GRM1: variants seen among roughly 807,000 people sequenced by gnomAD.
The protein encoded by GRM1 is metabotropic glutamate receptor 1.
In GRM1, 33 loss-of-function variants were observed where a neutral mutation model predicts 90.9. The observed-to-expected ratio is 0.36, with a 90% CI of 0.28 to 0.49. The LOEUF is 0.49. Among genes scored for constraint, GRM1 ranks in the 20% least tolerant of loss-of-function variants. GRM1 has a pLI of 0.99. For synonymous variants in GRM1, 700 were observed against 613.2 expected (o/e 1.14, Z -2.09); for missense variants, 1,190 against 1,534.3 (o/e 0.78, Z 3.75).
At position 146,426,681 on chromosome 6, in the gene GRM1, C is replaced by G. The variant is rs1351176072; in HGVS notation, c.2661-7191C>G. 7 of 969,032 alleles carry G rather than the reference C, an allele frequency of 7.2e-6. No individual in the cohort carries two copies. In the Admixed American group the frequency reaches 1.3e-4, roughly 18 times the overall value. The allele number at this position is 969,032 out of a possible 1,614,324, so 60.0% of individuals were successfully genotyped here. On this transcript the variant is annotated intron_variant, in intron 7 of 7. Transcript: ENST00000282753. ...GCATGGAAAATCTAGTGTTTTGCCC[C>G]TTGCTTTCTCTCTCCTGGGTTTTTC...
chr6:146,367,738 G>A (rs9390384), intron 5 of GRM1, among the ~76,000 whole-genome samples: 29,756 of 152,090 alleles, frequency 0.2, 3,829 homozygotes, highest in African/African-American at 0.37. Context: ...TTGCTGCAAA[G>A]GACATGATTT....
In GRM1 at chr6:146,385,940, C is replaced by T. The variant is rs559944940; in HGVS notation, c.1603-950C>T. On this transcript the variant is annotated intron_variant, in intron 5 of 7. Transcript: ENST00000282753. ...AACCACTGGAACATAGCAAAGAGGC[C>T]TAACTAGTAAGCCACTATGCAGATA... Among the ~76,000 whole-genome samples, 4 of 151,734 alleles carry T rather than the reference C, an allele frequency of 2.6e-5. No homozygotes were observed. The East Asian group carries it at 7.8e-4, about 29-fold the overall frequency.
intron 3 of GRM1, among the ~76,000 whole-genome samples, chr6:146,306,098 G>T (rs1783569472): frequency 6.6e-6 from 1 of 152,148 alleles, no homozygotes; most frequent in South Asian, 2.1e-4. Context: ...GAAATTGCCT[G>T]GTATGGATCT....
intron 2 of GRM1, among the ~76,000 whole-genome samples, chr6:146,280,525 C>G (rs906590087): frequency 2.0e-5 from 3 of 152,074 alleles, no homozygotes; most frequent in African/African-American, 4.8e-5. Flanking sequence ...ACGCTATGGG[C>G]CCAGAATTGT....
At chr6:146,160,550 T>G (rs1377428785) in intron 2 of GRM1, among the ~76,000 whole-genome samples, 1 of 152,200 alleles carries the variant, frequency 6.6e-6, no homozygotes, top group Non-Finnish European at 1.5e-5. Flanking sequence ...CTTTGTCTCT[T>G]CCCATCTCTT....
At chr6:146,213,495 G>T (rs1779749780) in intron 2 of GRM1, among the ~76,000 whole-genome samples, 1 of 152,042 alleles carries the variant, frequency 6.6e-6, no homozygotes. Context: ...AGAAGGTAAT[G>T]GATGTTTCAA....
At chr6:146,123,689 C>A (rs1319349474) in intron 1 of GRM1, among the ~76,000 whole-genome samples, 5 of 152,188 alleles carry the variant, frequency 3.3e-5, no homozygotes, top group African/African-American at 1.2e-4. Flanking sequence ...GGAACACTCA[C>A]TTTGTTAGTA....
chr6:146,103,234 T>G (rs1200089823), intron 1 of GRM1, among the ~76,000 whole-genome samples: 1 of 152,182 alleles, frequency 6.6e-6, no homozygotes, highest in African/African-American at 2.4e-5. Context: ...ATATATAACT[T>G]AGGAGATTGG....
intron 1 of GRM1, among the ~76,000 whole-genome samples, chr6:146,109,411 G>A (rs1775462301): frequency 6.6e-6 from 1 of 152,188 alleles, no homozygotes; most frequent in Non-Finnish European, 1.5e-5. Context: ...CTTCCACCTG[G>A]TGTTTTGTTG....
chr6:146,250,450 A>G (rs1781230617), intron 2 of GRM1, among the ~76,000 whole-genome samples: 1 of 152,136 alleles, frequency 6.6e-6, no homozygotes, highest in African/African-American at 2.4e-5. Context: ...TGTTTGATAA[A>G]TGTCTGGTGC....
chr6:146,313,291 C>T (rs1384719985), intron 3 of GRM1, among the ~76,000 whole-genome samples: 1 of 152,098 alleles, frequency 6.6e-6, no homozygotes, highest in Non-Finnish European at 1.5e-5. Context: ...TTAATAAGTT[C>T]TTTAATTAGA....
intron 1 of GRM1, among the ~76,000 whole-genome samples, chr6:146,077,726 A>T (rs962820940): frequency 6.6e-6 from 1 of 152,212 alleles, no homozygotes; most frequent in African/African-American, 2.4e-5. Context: ...ATCTTTAAAG[A>T]TTATTTCTAA....
chr6:146,280,267 C>A (rs1177683012), intron 2 of GRM1, among the ~76,000 whole-genome samples: 2 of 152,028 alleles, frequency 1.3e-5, no homozygotes, highest in Non-Finnish European at 2.9e-5. Flanking sequence ...TTGTGCAGCT[C>A]CCCTATCCCA....
intron 2 of GRM1, among the ~76,000 whole-genome samples, chr6:146,170,653 A>G (rs1053360953): frequency 2.6e-5 from 4 of 152,040 alleles, no homozygotes; most frequent in African/African-American, 9.7e-5. Context: ...GATAGTCTGT[A>G]TTTAATTAGA....
At chr6:146,272,347 A>C (rs573332574) in intron 2 of GRM1, among the ~76,000 whole-genome samples, 9 of 152,232 alleles carry the variant, frequency 5.9e-5, no homozygotes, top group Admixed American at 2.0e-4. Context: ...TATCGGTTGC[A>C]TTTTATATTT....
intron 2 of GRM1, among the ~76,000 whole-genome samples, chr6:146,194,816 G>A (rs961564869): frequency 6.6e-6 from 1 of 152,226 alleles, no homozygotes; most frequent in Admixed American, 6.5e-5. Flanking sequence ...TTGGAGGGTG[G>A]GCATGTTAGC....
intron 2 of GRM1, among the ~76,000 whole-genome samples, chr6:146,235,161 C>G (rs753462798): frequency 1.3e-5 from 2 of 152,032 alleles, no homozygotes; most frequent in Non-Finnish European, 2.9e-5. Context: ...CTTTAATTTT[C>G]CATTGTATTT....
intron 5 of GRM1, among the ~76,000 whole-genome samples, chr6:146,367,875 C>T (rs770384935): frequency 2.6e-5 from 4 of 152,074 alleles, no homozygotes; most frequent in Admixed American, 6.6e-5. Context: ...CCATGATGAA[C>T]ACATGAATAC....
intron 5 of GRM1, among the ~76,000 whole-genome samples, chr6:146,379,926 G>GTCTC (rs1310142307): frequency 8.2e-6 from 1 of 122,662 alleles, no homozygotes; most frequent in African/African-American, 3.3e-5. Context: ...AACATACAGA[G>GTCTC]TCTGTCTCTC....
Sources: allele counts gnomAD v4.1 joint callset (sites outside exome capture counted in the v4.1 genomes callset), GRCh38; gene constraint gnomAD v4.1.1; transcripts MANE v1.5; gene names NCBI Gene and HGNC (gene_info 2026-07-23, HGNC 2026-07-21).